Variants in DPP3 observed in about 807,000 individuals in gnomAD.
DPP3 encodes dipeptidyl peptidase 3, also known as DPP III.
Under a neutral mutation model 89.8 loss-of-function variants are expected in DPP3, and 64 were observed. That is an observed-to-expected ratio of 0.71 (90% CI 0.58 to 0.88). The LOEUF is 0.88. Among genes scored for constraint, DPP3 ranks in the 40% least tolerant of loss-of-function variants. DPP3 has a pLI of 0.00. For missense variants in DPP3, 835 were observed against 972.5 expected, an observed-to-expected ratio of 0.86 and a Z score of 1.88; for synonymous variants, 377 against 404.3, an observed-to-expected ratio of 0.93 and a Z score of 0.81.
chr11:66,493,757 T>C, intron 12 of DPP3, 124 bp downstream of exon 12: 4 of 1,035,060 alleles, frequency 3.9e-6, no homozygotes, highest in Non-Finnish European at 5.5e-6. Flanking sequence ...GTGGGGAAAA[T>C]GGCCCCTTAG....
chr11:66,482,605 C>A, intron 2 of DPP3, 135 bp downstream of exon 2: 1 of 1,306,294 alleles, frequency 7.7e-7, no homozygotes, highest in Non-Finnish European at 1.0e-6. Flanking sequence ...CTTCCCCTCT[C>A]TGGAGCCTCA....
intron 15 of DPP3, among the ~76,000 whole-genome samples, chr11:66,496,341 G>A (rs1177185236): frequency 2.0e-5 from 3 of 152,134 alleles, no homozygotes; most frequent in African/African-American, 7.2e-5. Flanking sequence ...CCGCCTCCCG[G>A]GTTCAAGCAA....
chr11:66,508,007 C>T (rs1042111871), intron 17 of DPP3, among the ~76,000 whole-genome samples: 1 of 152,164 alleles, frequency 6.6e-6, no homozygotes, highest in Non-Finnish European at 1.5e-5. Flanking sequence ...TATGGCTTAA[C>T]TCCTAACAAC....
intron 9 of DPP3, chr11:66,492,289 C>T (rs185445693): frequency 0.012 from 2,125 of 181,974 alleles, 17 homozygotes; most frequent in Non-Finnish European, 0.018. Context: ...GCGGCCCCCA[C>T]CCCCTTCCCC....
rs376442454 is a variant in DPP3 at position 66,491,491 on chromosome 11, C to T, written c.799-3C>T. 1.1e-5 allele frequency: 17 copies of T among 1,606,504 alleles called. No homozygotes were observed. The highest frequency in any genetic ancestry group is 1.3e-5 in the Non-Finnish European group (15 of 1,175,512). On this transcript the variant is annotated splice_region_variant and splice_polypyrimidine_tract_variant and intron_variant, in intron 7 of 17. Transcript: ENST00000531863. The stretch of plus-strand genomic sequence containing the variant: ...GAGGCTGACCGACCCCCGCTCACCT[C>T]AGGCCTATGCAGCCAACAGCCACCA...
intron 16 of DPP3, among the ~76,000 whole-genome samples, chr11:66,500,644 A>G (rs1349587811): frequency 6.6e-6 from 1 of 152,240 alleles, no homozygotes; most frequent in Non-Finnish European, 1.5e-5. Flanking sequence ...GAATTTTAAG[A>G]AACAGCAGCG....
intron 15 of DPP3, among the ~76,000 whole-genome samples, chr11:66,496,086 A>G (rs1258157096): frequency 2.0e-5 from 3 of 152,166 alleles, no homozygotes; most frequent in Admixed American, 6.5e-5. Flanking sequence ...TGTTACCCTC[A>G]TTTTAGAGAT....
Position 66,493,061 on chromosome 11 carries a change from C to G in DPP3, c.1184-6C>G. On this transcript the variant is annotated splice_region_variant and splice_polypyrimidine_tract_variant and intron_variant, in intron 10 of 17. Coordinates refer to ENST00000531863, the MANE Select transcript of DPP3 (RefSeq NM_130443.4). ...CTTCTTTCTGGTCCTTCTCCACCTT[C>G]TCCAGACGATGATCTGAGGCAGACG... The G allele has an allele frequency of 6.2e-7, 1 of 1,614,080 alleles. No individual in the cohort carries two copies. The highest frequency in any genetic ancestry group is 8.5e-7 in the Non-Finnish European group (1 of 1,179,980).
intron 16 of DPP3, among the ~76,000 whole-genome samples, chr11:66,502,339 G>A (rs1201852327): frequency 6.6e-6 from 1 of 150,548 alleles, no homozygotes; most frequent in African/African-American, 2.4e-5. Flanking sequence ...TGGGAGTCTC[G>A]CTCTGTCCCC....
intron 1 of DPP3, chr11:66,481,023 C>CT (rs1230230775): frequency 6.6e-6 from 1 of 152,344 alleles, no homozygotes; most frequent in Non-Finnish European, 1.5e-5. Context: ...GCGCACCCAC[C>CT]TGGTAATATT....
At chr11:66,487,072 G>A in intron 4 of DPP3, among the ~76,000 whole-genome samples, 196 bp from the exon 5 acceptor site, 1 of 152,118 alleles carries the variant, frequency 6.6e-6, no homozygotes, top group East Asian at 1.9e-4. Context: ...CCAGAGAGAG[G>A]CCTGGGCAGA....
intron 9 of DPP3, chr11:66,492,373 C>T: frequency 8.6e-6 from 2 of 233,230 alleles, no homozygotes; most frequent in Admixed American, 1.0e-4. Context: ...CTAATCCTCC[C>T]CAGCCCCTGG....
Position 66,493,101 on chromosome 11 carries a change from C to T in DPP3, c.1218C>T (p.Asn406=), listed in dbSNP as rs140059851. The change falls in exon 11 of 18, where the codon AAC becomes AAT. Residue 406 remains asparagine (N), a synonymous_variant. Transcript: ENST00000531863. Reference sequence around the variant, plus strand: ...TGAGGCAGACGGAAGGCTTTAAGAACGTGTCGCTGGGGAATGTGCTGGCTG... The same window carrying T: ...TGAGGCAGACGGAAGGCTTTAAGAATGTGTCGCTGGGGAATGTGCTGGCTG... The part of the protein sequence containing the change: ...DDLRQTEGFK[N]VSLGNVLAVA... 46 of 1,614,178 alleles carry T rather than the reference C, an allele frequency of 2.8e-5. No homozygotes were observed. The highest frequency in any genetic ancestry group is 1.7e-4 in the Admixed American group (10 of 60,022).
chr11:66,491,752 T>G lies in DPP3; in HGVS notation c.984T>G (p.Phe328Leu). Reference sequence around the variant, plus strand: ...ACCCCTTTGGTTCCCGAGGAGAATTTGAAGGTAACTTCCTCAGGGAGGAGG... The same window carrying G: ...ACCCCTTTGGTTCCCGAGGAGAATTGGAAGGTAACTTCCTCAGGGAGGAGG... ...YRDPFGSRGE[F>L]EGFVAVVNKA... Residue 328 changes from phenylalanine (F) to leucine (L), a missense_variant, in exon 9 of 18, where the codon TTT (phenylalanine) becomes TTG (leucine). Coordinates refer to ENST00000531863, the MANE Select transcript of DPP3 (RefSeq NM_130443.4). The G allele has an allele frequency of 7.4e-6, 12 of 1,613,862 alleles. No individual in the cohort carries two copies. Among genetic ancestry groups the G allele is most frequent in the Non-Finnish European group, 9.3e-6 (11 of 1,179,896 alleles).
At chr11:66,506,514 C>G (rs959119636) in intron 17 of DPP3, among the ~76,000 whole-genome samples, 2 of 152,250 alleles carry the variant, frequency 1.3e-5, no homozygotes, top group African/African-American at 2.4e-5. Context: ...CTCGGCCTCC[C>G]AAAGTGCTGG....
At chr11:66,494,035 G>A (rs913615536) in intron 12 of DPP3, among the ~76,000 whole-genome samples, 3 of 152,142 alleles carry the variant, frequency 2.0e-5, no homozygotes, top group Non-Finnish European at 4.4e-5. Context: ...GGGGCAGGGG[G>A]CATCTCTGGG....
intron 9 of DPP3, among the ~76,000 whole-genome samples, chr11:66,492,023 C>T (rs1396712232): frequency 6.6e-6 from 1 of 152,158 alleles, no homozygotes; most frequent in Non-Finnish European, 1.5e-5. Context: ...GGGGGGTGGC[C>T]CAGGAACCCT....
Position 66,492,903 on chromosome 11 carries a change from C to A in DPP3, c.1176C>A (p.Ile392=). 1 of 1,610,104 alleles carries A rather than the reference C, an allele frequency of 6.2e-7. No homozygotes were observed. The highest frequency in any genetic ancestry group is 8.5e-7 in the Non-Finnish European group (1 of 1,177,910). Residue 392 remains isoleucine, a synonymous_variant, in exon 10 of 18, where the codon ATC becomes ATA. Coordinates refer to ENST00000531863, the MANE Select transcript of DPP3 (RefSeq NM_130443.4). ...CCGGCATCCCTGCCGGCATCAACAT[C>A]CCCAACTGTGAGTGTCTCAGGCCCA... ...AGSGIPAGIN[I]PNYDDLRQTE...
At chr11:66,490,775 T>TTG (rs1555042067) in intron 6 of DPP3, among the ~76,000 whole-genome samples, 14 of 141,060 alleles carry the variant, frequency 9.9e-5, no homozygotes, top group South Asian at 2.3e-4. Context: ...TTGTTTTGTT[T>TTG]TTTTTTTTTT....
Sources: gnomAD v4.1 joint callset for allele counts (sites outside exome capture counted in the v4.1 genomes callset) on GRCh38, gnomAD v4.1.1 for gene constraint, MANE v1.5 for transcripts, NCBI Gene and HGNC (gene_info 2026-07-23, HGNC 2026-07-21) for gene names.